Variants in SYN3 observed in about 807,000 individuals in gnomAD.
SYN3 encodes the protein synapsin-3.
Under a neutral mutation model 65.8 loss-of-function variants are expected in SYN3, and 35 were observed. The ratio of observed to expected loss-of-function variants is 0.53; its 90% CI spans 0.41 to 0.70. SYN3 has a LOEUF of 0.70. Ranked by LOEUF, SYN3 falls within the 30% of genes least tolerant of loss-of-function variation. The pLI, the probability that SYN3 is intolerant of heterozygous loss-of-function variation, is 0.00. For synonymous variants in SYN3, 270 were observed against 292.9 expected (o/e 0.92, Z 0.80); for missense variants, 680 against 749.0 (o/e 0.91, Z 1.08).
intron 7 of SYN3, among the ~76,000 whole-genome samples, chr22:32,590,106 C>A (rs868459818): frequency 5.3e-5 from 8 of 152,314 alleles, no homozygotes; most frequent in South Asian, 4.1e-4. Flanking sequence ...AAATCAAGAA[C>A]TAGAACTTTG....
intron 4 of SYN3, among the ~76,000 whole-genome samples, chr22:32,917,431 G>A (rs2050213833): frequency 6.6e-6 from 1 of 152,182 alleles, no homozygotes; most frequent in South Asian, 2.1e-4. Context: ...CCACTGAGAA[G>A]TACTGGGTAC....
intron 3 of SYN3, among the ~76,000 whole-genome samples, chr22:32,962,955 A>G (rs1424445824): frequency 1.3e-5 from 2 of 151,054 alleles, no homozygotes; most frequent in Admixed American, 1.3e-4. Flanking sequence ...ATTTCTCTCT[A>G]TATGGGTATA....
At chr22:32,688,889 G>A (rs1454823793) in intron 6 of SYN3, among the ~76,000 whole-genome samples, 2 of 152,110 alleles carry the variant, frequency 1.3e-5, no homozygotes, top group Non-Finnish European at 2.9e-5. Context: ...CGTAGGCAGG[G>A]GCCTGGGGGT....
intron 7 of SYN3, among the ~76,000 whole-genome samples, chr22:32,567,953 G>T (rs2058696506): frequency 6.6e-6 from 1 of 152,204 alleles, no homozygotes; most frequent in African/African-American, 2.4e-5. Flanking sequence ...ATGCATCAGT[G>T]TTGTTTGGAG....
At chr22:33,047,238 G>T (rs1391550905) in intron 1 of SYN3, among the ~76,000 whole-genome samples, 1 of 152,118 alleles carries the variant, frequency 6.6e-6, no homozygotes, top group Non-Finnish European at 1.5e-5. Context: ...ATGCATGAGG[G>T]TAACCTTATC....
chr22:32,776,934 G>A (rs1019440221), intron 6 of SYN3, among the ~76,000 whole-genome samples: 6 of 152,062 alleles, frequency 3.9e-5, no homozygotes, highest in Non-Finnish European at 1.5e-5. Context: ...TCTAAGCCTC[G>A]AAGTGCCCGT....
At chr22:32,888,625 G>A (rs2049357798) in intron 4 of SYN3, among the ~76,000 whole-genome samples, 1 of 152,180 alleles carries the variant, frequency 6.6e-6, no homozygotes. Flanking sequence ...TAACAGAGGA[G>A]GTGAAGCAGG....
chr22:33,007,051 C>A (rs1189075497), intron 1 of SYN3, among the ~76,000 whole-genome samples: 1 of 152,174 alleles, frequency 6.6e-6, no homozygotes, highest in Admixed American at 6.5e-5. Context: ...AAGCTTCATG[C>A]ACAAATATGT....
chr22:33,024,491 C>CT (rs2053609241), intron 1 of SYN3, among the ~76,000 whole-genome samples: 1 of 151,766 alleles, frequency 6.6e-6, no homozygotes, highest in Non-Finnish European at 1.5e-5. Flanking sequence ...ACACTTGTCC[C>CT]CTAGGGATTT....
chr22:32,885,118 A>G (rs1344977952), intron 4 of SYN3, among the ~76,000 whole-genome samples: 2 of 152,010 alleles, frequency 1.3e-5, no homozygotes, highest in African/African-American at 4.8e-5. Flanking sequence ...AATGTCATGT[A>G]TAAAAGCATT....
chr22:32,752,843 A>G (rs11912124), intron 6 of SYN3, among the ~76,000 whole-genome samples: 5,395 of 152,098 alleles, frequency 0.035, 319 homozygotes, highest in African/African-American at 0.12. Flanking sequence ...TACCATGGGG[A>G]GCATGCATGG....
chr22:32,530,743 G>A (rs955905905), intron 10 of SYN3, among the ~76,000 whole-genome samples: 2 of 152,020 alleles, frequency 1.3e-5, no homozygotes, highest in Admixed American at 1.3e-4. Context: ...GGTGGCTCAC[G>A]CCTGTAATCC....
rs1555941121 is a variant in SYN3, at chr22:32,734,513, G to GACAGACAGA, written c.711+130401_711+130402insTCTGTCTGT. Among the ~76,000 whole-genome samples the GACAGACAGA allele has an allele frequency of 8.7e-3, 1,313 of 151,436 alleles. 7 individuals carry two copies. Among genetic ancestry groups the GACAGACAGA allele is most frequent in the Non-Finnish European group, 0.013 (907 of 67,904 alleles). ...GGAGGAGCAGAGAAGAGGCAGGCAG[G>GACAGACAGA]CAGACAGACAGACAGACAGACATCG... is the stretch of plus-strand genomic sequence containing the variant. On this transcript the variant is annotated intron_variant, in intron 6 of 13. Transcript: ENST00000358763.
Position 32,703,149 on chromosome 22 carries a change from TA to T in SYN3, c.712-106414del, listed in dbSNP as rs367707263. On this transcript the variant is annotated intron_variant, in intron 6 of 13. Coordinates refer to ENST00000358763, the MANE Select transcript of SYN3 (RefSeq NM_003490.4). ...TTGAAAAAGTTATCACTAGACTATTTAATACATGTGATTTATACAGAATTTA... is the reference window on the plus strand; with the variant it reads ...TTGAAAAAGTTATCACTAGACTATTTATACATGTGATTTATACAGAATTTA... 4.4e-3 allele frequency among the ~76,000 whole-genome samples: 677 copies of T among 152,358 alleles called. 2 individuals carry two copies. The highest frequency in any genetic ancestry group is 0.015 in the African/African-American group (639 of 41,572).
intron 6 of SYN3, among the ~76,000 whole-genome samples, chr22:32,786,729 G>C (rs1351946231): frequency 6.6e-6 from 1 of 152,158 alleles, no homozygotes; most frequent in South Asian, 2.1e-4. Flanking sequence ...TGGGGAATCT[G>C]GGTAAAAGGT....
intron 3 of SYN3, among the ~76,000 whole-genome samples, chr22:32,936,239 A>G (rs879695315): frequency 1.3e-5 from 2 of 152,212 alleles, no homozygotes; most frequent in Non-Finnish European, 2.9e-5. Flanking sequence ...ACTGCATTAC[A>G]TATCAGTTTT....
chr22:33,052,610 G>C (rs1410969349), intron 1 of SYN3, among the ~76,000 whole-genome samples: 1 of 151,546 alleles, frequency 6.6e-6, no homozygotes, highest in Non-Finnish European at 1.5e-5. Context: ...GAGAGAGAGA[G>C]CTCTAACTGC....
chr22:32,572,255 T>TTCCTTCCTTCCTTCCTTCCTTTCCTTCC (rs1246276846), intron 7 of SYN3, among the ~76,000 whole-genome samples: 1 of 87,526 alleles, frequency 1.1e-5, no homozygotes, highest in African/African-American at 5.1e-5. Flanking sequence ...CCTTCCTTCC[T>TTCCTTCCTTCCTTCCTTCCTTTCCTTCC]TTCCTTCCTT....
chr22:32,723,417 A>T (rs1159651204), intron 6 of SYN3, among the ~76,000 whole-genome samples: 1 of 152,124 alleles, frequency 6.6e-6, no homozygotes, highest in East Asian at 1.9e-4. Flanking sequence ...TATACACTAA[A>T]CAGAGACGTG....
Sources: allele counts gnomAD v4.1 joint callset (sites outside exome capture counted in the v4.1 genomes callset), GRCh38; gene constraint gnomAD v4.1.1; transcripts MANE v1.5; gene names NCBI Gene and HGNC (gene_info 2026-07-23, HGNC 2026-07-21).